Variants in M1AP observed in about 807,000 individuals in gnomAD.
M1AP encodes meiosis 1 arrest protein.
M1AP carries 39 observed loss-of-function variants against 51.2 expected under a neutral mutation model. The ratio of observed to expected loss-of-function variants is 0.76; its 90% CI spans 0.59 to 1.00. M1AP has a LOEUF of 1.00. Ranked by LOEUF, M1AP falls within the 50% of genes least tolerant of loss-of-function variation. M1AP has a pLI of 0.00. For synonymous variants in M1AP, 251 were observed against 249.2 expected, an observed-to-expected ratio of 1.01 and a Z score of -0.07; for missense variants, 545 against 641.2, an observed-to-expected ratio of 0.85 and a Z score of 1.62.
intron 7 of M1AP, among the ~76,000 whole-genome samples, chr2:74,571,239 G>A (rs1410243821): frequency 6.6e-6 from 1 of 152,200 alleles, no homozygotes; most frequent in African/African-American, 2.4e-5. Context: ...CATGTTATGA[G>A]TGGAAAATTG....
At position 74,568,029 on chromosome 2, in the gene M1AP, CACA is replaced by C. The variant is rs1678495060; in HGVS notation, c.1075-5609_1075-5607del. On this transcript the variant is annotated intron_variant, in intron 7 of 10. Transcript: ENST00000421985. The stretch of plus-strand genomic sequence containing the variant: ...GTGTAAAATGTAATTTGAAAAGTTA[CACA>C]ACATTTATAGTCGACGAGGACTGGT... Among the ~76,000 whole-genome samples the C allele has an allele frequency of 2.0e-5, 3 of 152,202 alleles. No homozygotes were observed. The South Asian group carries it at 6.2e-4, about 32-fold the overall frequency.
rs1464261498 is a variant in M1AP at position 74,559,693 on chromosome 2, C to T, written c.1434+5G>A. On this transcript the variant is annotated splice_donor_5th_base_variant and intron_variant, in intron 10 of 10. Transcript: ENST00000421985. ...TTCCTCATCTGTAAATGAGCAAACA[C>T]TTACCTTGCAGGGATGCTGTGAGGA... is the stretch of plus-strand genomic sequence containing the variant. 2.8e-6 allele frequency: 2 copies of T among 718,300 alleles called. No homozygotes were observed. Among genetic ancestry groups the T allele is most frequent in the African/African-American group, 1.7e-5 (1 of 57,254 alleles). The allele number at this position is 718,300 out of a possible 1,614,324, so 44.5% of individuals were successfully genotyped here. A position where few individuals can be genotyped will look rare whatever the true frequency, so the allele number is the denominator to read the frequency against.
intron 5 of M1AP, 179 bp from the exon 6 acceptor site, chr2:74,576,797 G>T: frequency 1.6e-6 from 2 of 1,277,170 alleles, no homozygotes; most frequent in Non-Finnish European, 2.1e-6. Context: ...GACTGGTTTG[G>T]AAAGGGAGAA....
At position 74,640,127 on chromosome 2, in the gene M1AP, G is replaced by C; in HGVS notation, c.149C>G (p.Ser50Cys). The C allele has an allele frequency of 6.2e-7, 1 of 1,614,196 alleles. No individual in the cohort carries two copies. The highest frequency in any genetic ancestry group is 8.5e-7 in the Non-Finnish European group (1 of 1,180,016). Residue 50 changes from serine (S) to cysteine (C), a missense_variant, in exon 2 of 11, where the codon TCT becomes TGT. By Grantham distance (112) the Ser-to-Cys change is moderately radical (BLOSUM62 -1). Coordinates refer to ENST00000421985, the MANE Select transcript of M1AP (RefSeq NM_001321739.2). The part of the protein sequence containing the change: ...NLCEALQNFF[S>C]LACSLMGPSR... ...GGGGCCCATCAAGCTGCAGGCTAGA[G>C]AGAAGAAGTTCTGCAGAGCCTCACA... is the stretch of plus-strand genomic sequence containing the variant.
intron 4 of M1AP, among the ~76,000 whole-genome samples, chr2:74,587,710 G>A (rs1274836171): frequency 6.6e-6 from 1 of 151,912 alleles, no homozygotes; most frequent in Non-Finnish European, 1.5e-5. Flanking sequence ...CTAGATGAAC[G>A]GGTCACACCA....
chr2:74,606,439 A>C (rs1332702460), intron 4 of M1AP, among the ~76,000 whole-genome samples: 1 of 152,222 alleles, frequency 6.6e-6, no homozygotes, highest in African/African-American at 2.4e-5. Flanking sequence ...TGGTAAAACA[A>C]CACAATACAA....
chr2:74,590,180 T>C (rs1178781996), intron 4 of M1AP, among the ~76,000 whole-genome samples: 5 of 152,170 alleles, frequency 3.3e-5, no homozygotes, highest in African/African-American at 4.8e-5. Flanking sequence ...TCTCACCGTT[T>C]TGGAGGCTGG....
At chr2:74,624,356 T>C (rs1006919056) in intron 2 of M1AP, among the ~76,000 whole-genome samples, 2 of 152,246 alleles carry the variant, frequency 1.3e-5, no homozygotes, top group Middle Eastern at 3.2e-3. Flanking sequence ...TTGTTGGACA[T>C]CATGTAAATG....
chr2:74,590,050 C>T (rs185370362), intron 4 of M1AP, among the ~76,000 whole-genome samples: 101 of 152,280 alleles, frequency 6.6e-4, no homozygotes, highest in Admixed American at 1.9e-3. Context: ...ATGCAGCCTG[C>T]GGGAAGCAGG....
intron 2 of M1AP, among the ~76,000 whole-genome samples, chr2:74,638,561 C>G (rs1372330232): frequency 6.6e-6 from 1 of 152,168 alleles, no homozygotes; most frequent in Non-Finnish European, 1.5e-5. Flanking sequence ...ATTTTGGCTT[C>G]TTCATTGCTC....
At position 74,611,321 on chromosome 2, in the gene M1AP, C is replaced by T. The variant is rs533987366; in HGVS notation, c.426+3643G>A. 1.1e-3 allele frequency among the ~76,000 whole-genome samples: 166 copies of T among 152,264 alleles called. 1 individual carries two copies. Among genetic ancestry groups the T allele is most frequent in the African/African-American group, 3.5e-3 (145 of 41,554 alleles). ...TATGAGGTCTGGGGCTTTTCTTCAACGGAAGACTTTTTATTACTGATTCAA... is the reference window on the plus strand; with the variant it reads ...TATGAGGTCTGGGGCTTTTCTTCAATGGAAGACTTTTTATTACTGATTCAA... On this transcript the variant is annotated intron_variant, in intron 3 of 10. Transcript: ENST00000421985.
intron 4 of M1AP, among the ~76,000 whole-genome samples, chr2:74,592,385 C>G (rs989226460): frequency 6.6e-5 from 10 of 152,088 alleles, no homozygotes; most frequent in Admixed American, 6.6e-4. Flanking sequence ...TATCATTTCT[C>G]TAATTATGGG....
Position 74,562,292 on chromosome 2 carries a change from C to A in M1AP, c.1206G>T (p.Thr402=). 1 of 1,614,184 alleles carries A rather than the reference C, an allele frequency of 6.2e-7. No individual in the cohort carries two copies. Among genetic ancestry groups the A allele is most frequent in the African/African-American group, 1.3e-5 (1 of 75,056 alleles). The change falls in exon 8 of 11, where the codon ACG becomes ACT. Residue 402 remains threonine (T), a synonymous_variant. Transcript: ENST00000421985. ...SLTLLVKAVA[T]RELMLPSTFP... is the part of the protein sequence containing the mutation. Reference sequence around the variant, plus strand: ...AGGTGCTGGGCAGCATCAGTTCCCGCGTGGCCACCGCCTTTACCAGCAGTG... The same window carrying A: ...AGGTGCTGGGCAGCATCAGTTCCCGAGTGGCCACCGCCTTTACCAGCAGTG...
chr2:74,571,564 C>T (rs372662790), intron 7 of M1AP, among the ~76,000 whole-genome samples: 1 of 152,150 alleles, frequency 6.6e-6, no homozygotes, highest in Admixed American at 6.5e-5. Flanking sequence ...AAATAAGTCT[C>T]GTCACACTTA....
chr2:74,599,044 G>A (rs1174034360), intron 4 of M1AP, among the ~76,000 whole-genome samples: 2 of 152,036 alleles, frequency 1.3e-5, no homozygotes, highest in East Asian at 1.9e-4. Context: ...TTGGTAGGCC[G>A]AGGTGGGCGG....
In M1AP at chr2:74,559,686, G is replaced by T. The variant is rs1452452105; in HGVS notation, c.1434+12C>A. 2.8e-6 allele frequency: 2 copies of T among 718,366 alleles called. No individual in the cohort carries two copies. The highest frequency in any genetic ancestry group is 5.2e-6 in the Non-Finnish European group (2 of 385,026). 44.5% of individuals were successfully genotyped at this position (718,366 alleles called of 1,614,324 possible). ...GCCTCCTTTCCTCATCTGTAAATGA[G>T]CAAACACTTACCTTGCAGGGATGCT... On this transcript the variant is annotated intron_variant, in intron 10 of 10. Transcript: ENST00000421985.
chr2:74,614,323 T>C (rs544327187), intron 3 of M1AP, among the ~76,000 whole-genome samples: 20 of 152,218 alleles, frequency 1.3e-4, no homozygotes, highest in African/African-American at 4.8e-4. Flanking sequence ...GTTGTTAGGA[T>C]GGAGTGGCAA....
At chr2:74,579,564 T>A (rs1235539298) in intron 5 of M1AP, among the ~76,000 whole-genome samples, 3 of 152,194 alleles carry the variant, frequency 2.0e-5, no homozygotes, top group Admixed American at 6.5e-5. Flanking sequence ...AAGTCTCAGT[T>A]TTCTCATATG....
chr2:74,585,547 T>C (rs926829545), intron 4 of M1AP, among the ~76,000 whole-genome samples: 5 of 152,198 alleles, frequency 3.3e-5, no homozygotes, highest in African/African-American at 9.6e-5. Flanking sequence ...TTGTCACCCA[T>C]CGATGTTCTG....
Sources: allele counts gnomAD v4.1 joint callset (sites outside exome capture counted in the v4.1 genomes callset), GRCh38; gene constraint gnomAD v4.1.1; transcripts MANE v1.5; gene names NCBI Gene and HGNC (gene_info 2026-07-23, HGNC 2026-07-21).